The following CTSS variants were observed in gnomAD, a reference collection of about 807,000 sequenced individuals.
CTSS encodes cathepsin S.
Under a neutral mutation model 39.9 loss-of-function variants are expected in CTSS, and 15 were observed. The ratio of observed to expected loss-of-function variants is 0.38; its 90% confidence interval spans 0.25 to 0.58. CTSS has a LOEUF of 0.58. CTSS is among the 20% of genes least tolerant of loss of function. CTSS has a pLI of 0.70. For synonymous variants in CTSS, 126 were observed against 138.2 expected (o/e 0.91, Z 0.62); for missense variants, 250 against 398.2 (o/e 0.63, Z 3.17).
At position 150,750,075 on chromosome 1, in the gene CTSS, C is replaced by T; in HGVS notation, c.724G>A (p.Val242Met). The change falls in exon 6 of 8, where the codon GTG becomes ATG. Residue 242 changes from valine (V) to methionine (M), a missense_variant. Physicochemically the swap from Val to Met is conservative, Grantham distance 21. Transcript: ENST00000368985. Reference sequence around the variant, plus strand: ...ACAGACACTGGGCCTTTATTGGCCACAGCTTCTTTCAGGACATCTTCTCTG... The same window carrying T: ...ACAGACACTGGGCCTTTATTGGCCATAGCTTCTTTCAGGACATCTTCTCTG... ...YGREDVLKEA[V>M]ANKGPVSVGV... 6.2e-7 allele frequency: 1 copy of T among 1,614,050 alleles called. No individual in the cohort carries two copies.
intron 4 of CTSS, among the ~76,000 whole-genome samples, chr1:150,752,937 T>G (rs755700639): frequency 5.3e-4 from 81 of 152,176 alleles, no homozygotes; most frequent in Non-Finnish European, 4.4e-4. Flanking sequence ...CACTGTAGCC[T>G]CAACCTCCCA....
At chr1:150,754,918 G>A (rs11576175) in intron 4 of CTSS, 83 bp downstream of exon 4, 124,747 of 1,409,766 alleles carry the variant, frequency 0.088, 6,345 homozygotes, top group East Asian at 0.18. Flanking sequence ...GGGACTGTAA[G>A]ATTCACTGTC....
chr1:150,740,272 G>A (rs982281828), intron 7 of CTSS, among the ~76,000 whole-genome samples: 1 of 152,190 alleles, frequency 6.6e-6, no homozygotes, highest in African/African-American at 2.4e-5. Flanking sequence ...AGGAATTAGA[G>A]AAACAATTCT....
intron 2 of CTSS, among the ~76,000 whole-genome samples, chr1:150,760,516 C>G (rs1653231505): frequency 6.6e-6 from 1 of 151,992 alleles, no homozygotes; most frequent in Non-Finnish European, 1.5e-5. Context: ...AGCAATTAGG[C>G]AAGAAAAATA....
At position 150,732,941 on chromosome 1, in the gene CTSS, A is replaced by G; in HGVS notation, c.*105T>C. On this transcript the variant is annotated 3_prime_UTR_variant, in exon 8 of 8. Coordinates refer to ENST00000368985, the MANE Select transcript of CTSS (RefSeq NM_004079.5). ...ATATTTTCTAATTAGTACAGTAAAT[A>G]CACATTAATCATGACACAATTATTT... is the stretch of plus-strand genomic sequence containing the variant. 9 of 828,354 alleles carry G rather than the reference A, an allele frequency of 1.1e-5. No homozygotes were observed. The South Asian group carries it at 1.5e-4, about 13-fold the overall frequency. The allele number at this position is 828,354 out of a possible 1,614,324, so 51.3% of individuals were successfully genotyped here. A position where few individuals can be genotyped will look rare whatever the true frequency, so the allele number is the denominator to read the frequency against.
intron 2 of CTSS, among the ~76,000 whole-genome samples, chr1:150,761,513 C>T (rs1303322026): frequency 6.6e-6 from 1 of 152,118 alleles, no homozygotes; most frequent in Non-Finnish European, 1.5e-5. Context: ...AGGCAGATCA[C>T]CTGAGGTCGG....
intron 2 of CTSS, among the ~76,000 whole-genome samples, chr1:150,763,526 A>G (rs185361035): frequency 6.6e-6 from 1 of 152,282 alleles, no homozygotes. Context: ...TGCAATGTAT[A>G]TTTGTATCAT....
At chr1:150,741,862 G>A (rs1362080582) in intron 7 of CTSS, among the ~76,000 whole-genome samples, 1 of 145,816 alleles carries the variant, frequency 6.9e-6, no homozygotes, top group Non-Finnish European at 1.5e-5. Flanking sequence ...GAGACAGAGC[G>A]AGACTCTGTC....
At chr1:150,736,390 A>G (rs1364167234) in intron 7 of CTSS, among the ~76,000 whole-genome samples, 1 of 152,148 alleles carries the variant, frequency 6.6e-6, no homozygotes, top group Admixed American at 6.6e-5. Flanking sequence ...TCCAAAGCCC[A>G]CTCTAACTTT....
chr1:150,762,263 T>A (rs190051277), intron 2 of CTSS, among the ~76,000 whole-genome samples: 1 of 152,144 alleles, frequency 6.6e-6, no homozygotes, highest in Non-Finnish European at 1.5e-5. Flanking sequence ...TCACCCCATA[T>A]ACAATAATCA....
At chr1:150,746,585 A>G (rs2101916588) in intron 7 of CTSS, among the ~76,000 whole-genome samples, 1 of 152,312 alleles carries the variant, frequency 6.6e-6, no homozygotes, top group East Asian at 1.9e-4. Flanking sequence ...GGCAGCATAG[A>G]AAAAAGACAT....
chr1:150,733,265 T>C, intron 7 of CTSS, 120 bp from the exon 8 acceptor site: 2 of 650,894 alleles, frequency 3.1e-6, no homozygotes, highest in Non-Finnish European at 5.2e-6. Context: ...AAAACAAAAT[T>C]AGAATGAAAT....
chr1:150,747,131 G>A (rs1216312195), intron 7 of CTSS, among the ~76,000 whole-genome samples: 1 of 152,172 alleles, frequency 6.6e-6, no homozygotes, highest in African/African-American at 2.4e-5. Context: ...AAATTGGTTT[G>A]ACTAATTGGT....
rs1440104789 is a variant in CTSS, at chr1:150,751,769, C to T, written c.627+12G>A. 1.2e-6 allele frequency: 2 copies of T among 1,613,350 alleles called. No individual in the cohort carries two copies. The highest frequency in any genetic ancestry group is 2.2e-5 in the East Asian group (1 of 44,870). On this transcript the variant is annotated intron_variant, in intron 5 of 7. Coordinates refer to ENST00000368985, the MANE Select transcript of CTSS (RefSeq NM_004079.5). ...ATCATGGGGCAGCACAAAAAGTTTG[C>T]TTAAGACGCACCATGGCTTTGTAGG...
chr1:150,757,601 T>TA (rs140967628), intron 3 of CTSS, among the ~76,000 whole-genome samples: 159 of 148,326 alleles, frequency 1.1e-3, no homozygotes, highest in African/African-American at 2.9e-3. Context: ...TAGAATTTAT[T>TA]AAAAAAAAAA....
chr1:150,757,614 A>G (rs981485741), intron 3 of CTSS, among the ~76,000 whole-genome samples: 5 of 152,162 alleles, frequency 3.3e-5, no homozygotes, highest in Middle Eastern at 3.2e-3. Flanking sequence ...AAAAAAAACA[A>G]TGGTAGTCTC....
intron 7 of CTSS, among the ~76,000 whole-genome samples, chr1:150,734,729 A>G (rs1388167873): frequency 6.6e-6 from 1 of 152,180 alleles, no homozygotes; most frequent in Admixed American, 6.5e-5. Flanking sequence ...AAAAGCAAAA[A>G]ATCCAAAGAC....
In CTSS at chr1:150,748,677, G is replaced by A. The variant is rs139807791; in HGVS notation, c.794-798C>T. On this transcript the variant is annotated intron_variant, in intron 6 of 7. Transcript: ENST00000368985. ...GCTAATTGTAACCTCAATCTCCTAGGCTCCAGTCATCCTCCTGATTTGGCC... is the reference window on the plus strand; with the variant it reads ...GCTAATTGTAACCTCAATCTCCTAGACTCCAGTCATCCTCCTGATTTGGCC... Among the ~76,000 whole-genome samples, 176 of 151,352 alleles carry A rather than the reference G, an allele frequency of 1.2e-3. 1 individual carries two copies. Among genetic ancestry groups the A allele is most frequent in the South Asian group, 5.0e-3 (24 of 4,790 alleles).
intron 7 of CTSS, among the ~76,000 whole-genome samples, chr1:150,737,019 A>AG (rs1652648006): frequency 6.6e-6 from 1 of 152,230 alleles, no homozygotes; most frequent in South Asian, 2.1e-4. Flanking sequence ...TATTTGGTAT[A>AG]TAGCCAATGC....
Sources: allele counts gnomAD v4.1 joint callset (sites outside exome capture counted in the v4.1 genomes callset), GRCh38; gene constraint gnomAD v4.1.1; transcripts MANE v1.5; gene names NCBI Gene and HGNC (gene_info 2026-07-23, HGNC 2026-07-21).